Variants in RGS17 observed in about 807,000 individuals in gnomAD.
RGS17 encodes the protein regulator of G protein signaling 17.
RGS17 carries 12 observed loss-of-function variants against 25.5 expected under a neutral mutation model. The ratio of observed to expected loss-of-function variants is 0.47; its 90% CI spans 0.30 to 0.76. The LOEUF (loss-of-function observed/expected upper bound fraction) is 0.76, where lower values mean the gene tolerates loss of function less well. Among genes scored for constraint, RGS17 ranks in the 30% least tolerant of loss-of-function variants. The probability of loss-of-function intolerance (pLI) is 0.07; values close to 1 mark genes in which losing one functional copy is unlikely to be tolerated. For synonymous variants in RGS17, 71 were observed against 76.9 expected (o/e 0.92, Z 0.40); for missense variants, 196 against 242.2 (o/e 0.81, Z 1.27).
At chr6:153,014,408 G>A (rs552415641) in intron 4 of RGS17, among the ~76,000 whole-genome samples, 2 of 152,298 alleles carry the variant, frequency 1.3e-5, no homozygotes, top group South Asian at 2.1e-4. Context: ...GAAGATGCAC[G>A]AGGAAATTAG....
At chr6:153,049,240 T>C (rs922129079) in intron 1 of RGS17, among the ~76,000 whole-genome samples, 5 of 152,070 alleles carry the variant, frequency 3.3e-5, no homozygotes, top group African/African-American at 1.2e-4. Flanking sequence ...ATACTTCTAA[T>C]ACACTAGTAA....
chr6:153,029,058 G>A (rs17083433), intron 2 of RGS17, among the ~76,000 whole-genome samples: 3,296 of 152,228 alleles, frequency 0.022, 107 homozygotes, highest in African/African-American at 0.073. Context: ...ATATTAGAGC[G>A]ATCATTACGA....
intron 1 of RGS17, among the ~76,000 whole-genome samples, chr6:153,112,563 A>T (rs576213463): frequency 1.1e-4 from 17 of 152,304 alleles, no homozygotes; most frequent in African/African-American, 4.1e-4. Context: ...AATTCAGGAA[A>T]TACAGAGAAC....
chr6:153,130,712 C>T lies in RGS17; in HGVS notation c.-26+412G>A, dbSNP rs540036177. Reference sequence around the variant, plus strand: ...CAACCGCACAAAACCCGCAACACCTCGCGTCCCCGCGGGGTCTCCCGCGCC... The same window carrying T: ...CAACCGCACAAAACCCGCAACACCTTGCGTCCCCGCGGGGTCTCCCGCGCC... On this transcript the variant is annotated intron_variant, in intron 1 of 4. Transcript: ENST00000206262. This position sits in a 1 kb window ranked among gnomAD's most constrained non-coding sequence, Gnocchi z 6.4. 3.2e-3 allele frequency among the ~76,000 whole-genome samples: 485 copies of T among 152,228 alleles called. 1 individual carries two copies. The highest frequency in any genetic ancestry group is 0.011 in the African/African-American group (458 of 41,564).
At position 153,034,272 on chromosome 6, in the gene RGS17, T is replaced by C. The variant is rs188398841; in HGVS notation, c.120-7729A>G. Among the ~76,000 whole-genome samples, 3 of 152,154 alleles carry C rather than the reference T, an allele frequency of 2.0e-5. No homozygotes were observed. The East Asian group carries it at 5.8e-4, about 29-fold the overall frequency. On this transcript the variant is annotated intron_variant, in intron 2 of 4. Transcript: ENST00000206262. ...TGTAGAGAAACAAAACCCTGCTATA[T>C]AAAAGTTACAACACTCTGGGAATCC... is the stretch of plus-strand genomic sequence containing the variant.
chr6:153,024,941 G>A (rs1389489239), intron 3 of RGS17, among the ~76,000 whole-genome samples: 1 of 151,728 alleles, frequency 6.6e-6, no homozygotes, highest in Non-Finnish European at 1.5e-5. Context: ...ATCTCTGGTG[G>A]CCATTTTTTT....
chr6:153,120,598 G>A (rs1442744), intron 1 of RGS17, among the ~76,000 whole-genome samples: 1 of 151,912 alleles, frequency 6.6e-6, no homozygotes. Flanking sequence ...TGAAGCGCCT[G>A]TCCCATAGCA....
At chr6:153,022,882 A>G (rs1230832847) in intron 4 of RGS17, among the ~76,000 whole-genome samples, 2 of 152,188 alleles carry the variant, frequency 1.3e-5, no homozygotes, top group African/African-American at 2.4e-5. Context: ...TTGAGGCTAC[A>G]TATTTATTAC....
intron 1 of RGS17, among the ~76,000 whole-genome samples, chr6:153,099,906 T>C (rs903644450): frequency 2.6e-5 from 4 of 152,198 alleles, no homozygotes; most frequent in Admixed American, 2.6e-4. Flanking sequence ...TACTTCCAGT[T>C]TCTGTTTCAA....
intron 1 of RGS17, among the ~76,000 whole-genome samples, chr6:153,064,670 G>A (rs1776683442): frequency 7.3e-5 from 11 of 151,586 alleles, no homozygotes; most frequent in Admixed American, 6.6e-4. Flanking sequence ...GGCCTAGAGT[G>A]TTCATTAATT....
chr6:153,103,095 C>G (rs765920429), intron 1 of RGS17, among the ~76,000 whole-genome samples: 2 of 152,184 alleles, frequency 1.3e-5, no homozygotes, highest in African/African-American at 2.4e-5. Flanking sequence ...CAGCACTCTT[C>G]AGTTATTCTT....
chr6:153,130,272 G>T lies in RGS17; in HGVS notation c.-26+852C>A, dbSNP rs1010781185. ...GCAGAGATTAAACTATGATTCCATC[G>T]ATCACGGAAAGACCACCATCACCTA... On this transcript the variant is annotated intron_variant, in intron 1 of 4. Coordinates refer to ENST00000206262, the MANE Select transcript of RGS17 (RefSeq NM_012419.5). This position sits in a 1 kb window ranked among gnomAD's most constrained non-coding sequence, Gnocchi z 6.4. Among the ~76,000 whole-genome samples the T allele has an allele frequency of 6.6e-6, 1 of 152,098 alleles. No homozygotes were observed. Among genetic ancestry groups the T allele is most frequent in the Non-Finnish European group, 1.5e-5 (1 of 68,014 alleles).
rs1480287746 is a variant in RGS17 at position 153,011,417 on chromosome 6, C to A, written c.*157G>T. 1.7e-6 allele frequency: 1 copy of A among 586,868 alleles called. No homozygotes were observed. The highest frequency in any genetic ancestry group is 1.9e-5 in the African/African-American group (1 of 52,812). 36.4% of individuals were successfully genotyped at this position (586,868 alleles called of 1,614,324 possible). ...TTTCTCCAAACTTAACCATGGAAAA[C>A]CTTGATAAAAATGGAGACAAAGACC... On this transcript the variant is annotated 3_prime_UTR_variant, in exon 5 of 5. Coordinates refer to ENST00000206262, the MANE Select transcript of RGS17 (RefSeq NM_012419.5).
At chr6:153,094,582 C>A (rs1777180796) in intron 1 of RGS17, among the ~76,000 whole-genome samples, 1 of 152,108 alleles carries the variant, frequency 6.6e-6, no homozygotes, top group African/African-American at 2.4e-5. Context: ...AGAAGGTTGA[C>A]TCAGGATTAC....
rs563864166 is a variant in RGS17 at position 153,041,385 on chromosome 6, T to A, written c.119+2515A>T. 9.8e-4 allele frequency among the ~76,000 whole-genome samples: 149 copies of A among 152,306 alleles called. 1 individual carries two copies. The highest frequency in any genetic ancestry group is 3.4e-3 in the Middle Eastern group (1 of 294). ...AGCCAATGTACCCAATGTTTGGGGA[T>A]CTACTCTAGAGGTGTAGAGAGTTGA... On this transcript the variant is annotated intron_variant, in intron 2 of 4. Coordinates refer to ENST00000206262, the MANE Select transcript of RGS17 (RefSeq NM_012419.5).
At chr6:153,037,645 CAAA>C (rs1167459107) in intron 2 of RGS17, among the ~76,000 whole-genome samples, 1 of 151,426 alleles carries the variant, frequency 6.6e-6, no homozygotes, top group Non-Finnish European at 1.5e-5. Context: ...AGGCTGGTCT[CAAA>C]CTCCTGACCT....
chr6:153,020,120 A>ATATATATATATATATT (rs1315719232), intron 4 of RGS17, among the ~76,000 whole-genome samples: 100 of 86,802 alleles, frequency 1.2e-3, no homozygotes, highest in African/African-American at 4.7e-3. Context: ...AAATATATAT[A>ATATATATATATATATT]TATATATATA....
chr6:153,087,486 A>T (rs769344652), intron 1 of RGS17, among the ~76,000 whole-genome samples: 2 of 152,220 alleles, frequency 1.3e-5, no homozygotes, highest in Non-Finnish European at 2.9e-5. Flanking sequence ...CTGCTATCCC[A>T]AAGTAAAGAA....
At chr6:153,105,896 T>C (rs1777373198) in intron 1 of RGS17, among the ~76,000 whole-genome samples, 1 of 152,114 alleles carries the variant, frequency 6.6e-6, no homozygotes, top group African/African-American at 2.4e-5. Context: ...TTTCAGACTG[T>C]AGTGTGGCAT....
Sources: allele counts gnomAD v4.1 joint callset (sites outside exome capture counted in the v4.1 genomes callset), GRCh38; gene constraint gnomAD v4.1.1; non-coding constraint Gnocchi (gnomAD v3.1); transcripts MANE v1.5; gene names NCBI Gene and HGNC (gene_info 2026-07-23, HGNC 2026-07-21).